The following ARMC8 variants were observed in gnomAD, a reference collection of about 807,000 sequenced individuals.
ARMC8 encodes the protein armadillo repeat containing 8.
Under a neutral mutation model 99.3 loss-of-function variants are expected in ARMC8, and 20 were observed. The observed-to-expected ratio is 0.20, with a 90% CI of 0.14 to 0.29. The LOEUF (loss-of-function observed/expected upper bound fraction) is 0.29, where lower values mean the gene tolerates loss of function less well. ARMC8 is among the 10% of genes least tolerant of loss of function. ARMC8 has a pLI of 1.00. For synonymous variants in ARMC8, 263 were observed against 278.3 expected (o/e 0.95, Z 0.55); for missense variants, 569 against 809.5 (o/e 0.70, Z 3.60).
At chr3:138,294,734 G>T (rs746832672) in intron 21 of ARMC8, among the ~76,000 whole-genome samples, 7 of 151,992 alleles carry the variant, frequency 4.6e-5, no homozygotes, top group Non-Finnish European at 1.0e-4. Flanking sequence ...TAACTCCCAC[G>T]ATTACAGCCT....
At chr3:138,250,641 A>C (rs1355202175) in intron 12 of ARMC8, among the ~76,000 whole-genome samples, 2 of 152,218 alleles carry the variant, frequency 1.3e-5, no homozygotes, top group African/African-American at 4.8e-5. Flanking sequence ...TAAGGAGGCC[A>C]AAATCTACCT....
Position 138,290,443 on chromosome 3 carries a change from G to A in ARMC8, c.1895-103G>A, listed in dbSNP as rs540414543. 170 of 813,228 alleles carry A rather than the reference G, an allele frequency of 2.1e-4. No individual in the cohort carries two copies. The African/African-American group carries it at 2.6e-3, about 13-fold the overall frequency. 50.4% of individuals were successfully genotyped at this position (813,228 alleles called of 1,614,324 possible). On this transcript the variant is annotated intron_variant, in intron 20 of 21. Transcript: ENST00000469044. ...GTAGAGGACAAGGGGTACAGGAGGA[G>A]TAGGGAGTGAAGGACACTGGTAAGG... is the stretch of plus-strand genomic sequence containing the variant.
chr3:138,295,247 C>T (rs906168519), intron 21 of ARMC8, among the ~76,000 whole-genome samples: 1 of 152,066 alleles, frequency 6.6e-6, no homozygotes, highest in African/African-American at 2.4e-5. Flanking sequence ...CCCCCATCAC[C>T]GTAACAACAC....
chr3:138,246,809 A>G, intron 12 of ARMC8: 1 of 979,436 alleles, frequency 1.0e-6, no homozygotes, highest in Non-Finnish European at 1.2e-6. Context: ...CATAATGTGT[A>G]TAATTTCCTG....
intron 18 of ARMC8, among the ~76,000 whole-genome samples, chr3:138,280,784 G>T (rs2049827558): frequency 6.6e-6 from 1 of 151,366 alleles, no homozygotes; most frequent in East Asian, 1.9e-4. Flanking sequence ...GAGCCACCAT[G>T]CCTGGCCAAC....
chr3:138,270,405 T>C (rs924593092), intron 16 of ARMC8, among the ~76,000 whole-genome samples: 4 of 152,208 alleles, frequency 2.6e-5, no homozygotes, highest in Admixed American at 1.3e-4. Flanking sequence ...TAAATTTTCC[T>C]TATCATGAAC....
intron 19 of ARMC8, 104 bp from the exon 20 acceptor site, chr3:138,288,944 A>G (rs1460789277): frequency 3.3e-6 from 3 of 903,952 alleles, no homozygotes; most frequent in Non-Finnish European, 5.1e-6. Flanking sequence ...GCCCTGCTTC[A>G]GACTTTTAGG....
chr3:138,206,258 G>C (rs558536426), intron 1 of ARMC8, among the ~76,000 whole-genome samples: 3 of 152,298 alleles, frequency 2.0e-5, no homozygotes, highest in African/African-American at 7.2e-5. Context: ...ACTGAATCCA[G>C]TATTGGTTTT....
chr3:138,261,826 G>C (rs1030399386), intron 12 of ARMC8: 3 of 152,188 alleles, frequency 2.0e-5, no homozygotes, highest in Non-Finnish European at 4.4e-5. Context: ...AACAGCAAAA[G>C]CATGGAGACC....
At chr3:138,295,658 A>G (rs1047338643) in intron 21 of ARMC8, among the ~76,000 whole-genome samples, 6 of 152,248 alleles carry the variant, frequency 3.9e-5, no homozygotes, top group African/African-American at 1.4e-4. Flanking sequence ...CCACAGGAAG[A>G]AGAATATAGC....
chr3:138,266,606 GAAAT>G (rs998277034), intron 14 of ARMC8, among the ~76,000 whole-genome samples: 1 of 152,142 alleles, frequency 6.6e-6, no homozygotes, highest in Non-Finnish European at 1.5e-5. Context: ...TATAGATGAA[GAAAT>G]ACAGGCTCAG....
At chr3:138,288,669 C>T (rs546112844) in intron 19 of ARMC8, among the ~76,000 whole-genome samples, 7 of 141,302 alleles carry the variant, frequency 5.0e-5, no homozygotes, top group African/African-American at 1.6e-4. Context: ...GACGGAGTCT[C>T]GCTCTGTCAC....
intron 12 of ARMC8, chr3:138,245,613 T>C: frequency 1.0e-6 from 1 of 1,000,456 alleles, no homozygotes; most frequent in South Asian, 4.6e-5. Context: ...GATATGTGGC[T>C]TAGTTTTATG....
At chr3:138,212,305 A>T (rs1242605709) in intron 2 of ARMC8, among the ~76,000 whole-genome samples, 1 of 150,566 alleles carries the variant, frequency 6.6e-6, no homozygotes, top group Non-Finnish European at 1.5e-5. Context: ...GTCTTTAAGT[A>T]ATCTTTTTTT....
At chr3:138,188,040 C>T (rs2043170666) in intron 1 of ARMC8, 1 of 236,794 alleles carries the variant, frequency 4.2e-6, no homozygotes, top group Non-Finnish European at 8.3e-6. Flanking sequence ...AGAAGAGGTG[C>T]AGGCTCCTTG....
intron 12 of ARMC8, among the ~76,000 whole-genome samples, chr3:138,256,650 T>C (rs1319064100): frequency 2.0e-5 from 3 of 152,098 alleles, no homozygotes; most frequent in Admixed American, 6.5e-5. Flanking sequence ...GACCTCGTGA[T>C]CTGCCCGCCT....
Position 138,290,572 on chromosome 3 carries a change from C to A in ARMC8, c.1921C>A (p.Arg641=). The A allele has an allele frequency of 6.2e-7, 1 of 1,606,570 alleles. No individual in the cohort carries two copies. Among genetic ancestry groups the A allele is most frequent in the Middle Eastern group, 1.7e-4 (1 of 6,054 alleles). The change falls in exon 21 of 22, where the codon CGA becomes AGA. Residue 641 remains arginine, a synonymous_variant. Transcript: ENST00000469044. ...TTCACAAGAACGCCAGGATAAATTA[C>A]GAGACATGGGCATCGTAGATATTCT... ...EGSQERQDKL[R]DMGIVDILHK... is the part of the protein sequence containing the mutation.
At chr3:138,226,272 G>T (rs113727520) in intron 5 of ARMC8, among the ~76,000 whole-genome samples, 5,185 of 152,284 alleles carry the variant, frequency 0.034, 316 homozygotes, top group African/African-American at 0.12. Context: ...GGGATTACAG[G>T]CGTGAGCCAC....
At position 138,241,861 on chromosome 3, in the gene ARMC8, T is replaced by C; in HGVS notation, c.916T>C (p.Tyr306His). The C allele has an allele frequency of 6.2e-7, 1 of 1,614,032 alleles. No homozygotes were observed. The highest frequency in any genetic ancestry group is 1.1e-5 in the South Asian group (1 of 91,084). ...AGTTGAAGGAGCTGAGACACTTGCC[T>C]ATCTGATTGAACCAGATGTTGAGCT... ...ERVEGAETLAYLIEPDVELQR... is the reference protein window; with the variant it reads ...ERVEGAETLAHLIEPDVELQR... Residue 306 changes from tyrosine to histidine, a missense_variant, in exon 11 of 22, where the codon TAT becomes CAT. By Grantham distance (83) the Tyr-to-His change is moderately conservative (BLOSUM62 2). Transcript: ENST00000469044.
Sources: allele counts gnomAD v4.1 joint callset (sites outside exome capture counted in the v4.1 genomes callset), GRCh38; gene constraint gnomAD v4.1.1; transcripts MANE v1.5; gene names NCBI Gene and HGNC (gene_info 2026-07-23, HGNC 2026-07-21).